The following NELL2 variants were observed in gnomAD, a reference collection of about 807,000 sequenced individuals.
The protein encoded by NELL2 is neural EGFL like 2.
Under a neutral mutation model 109.6 loss-of-function variants are expected in NELL2, and 41 were observed. The observed-to-expected ratio is 0.37, with a 90% confidence interval of 0.29 to 0.49. The LOEUF (loss-of-function observed/expected upper bound fraction) is 0.49, where lower values mean the gene tolerates loss of function less well. Ranked by LOEUF, NELL2 falls within the 20% of genes least tolerant of loss-of-function variation. NELL2 has a pLI of 0.98. For missense variants in NELL2, 900 were observed against 1,008.3 expected (o/e 0.89, Z 1.45); for synonymous variants, 355 against 344.7 (o/e 1.03, Z -0.33).
At chr12:44,849,659 T>A (rs1449356460) in intron 2 of NELL2, among the ~76,000 whole-genome samples, 1 of 152,150 alleles carries the variant, frequency 6.6e-6, no homozygotes, top group African/African-American at 2.4e-5. Context: ...CCAAAAGGAA[T>A]AAAAGTAAAT....
chr12:44,825,571 T>C (rs1273275363), intron 2 of NELL2, among the ~76,000 whole-genome samples: 1 of 150,510 alleles, frequency 6.6e-6, no homozygotes, highest in Non-Finnish European at 1.5e-5. Context: ...AATTTTTGTA[T>C]TTTTAGTAGA....
chr12:44,634,294 G>A (rs1418287406), intron 13 of NELL2, among the ~76,000 whole-genome samples: 1 of 152,014 alleles, frequency 6.6e-6, no homozygotes, highest in Non-Finnish European at 1.5e-5. Context: ...TCTACATTAG[G>A]TATTTCTGCT....
At chr12:44,894,465 T>C (rs550062183) in intron 1 of NELL2, among the ~76,000 whole-genome samples, 5 of 152,370 alleles carry the variant, frequency 3.3e-5, no homozygotes, top group African/African-American at 1.2e-4. Context: ...TCAAACTCCA[T>C]CTTTAATCTT....
chr12:44,772,412 G>C (rs1941586454), intron 9 of NELL2, among the ~76,000 whole-genome samples: 1 of 152,086 alleles, frequency 6.6e-6, no homozygotes, highest in African/African-American at 2.4e-5. Context: ...TTTATTTTAA[G>C]TGTTATTTGT....
intron 2 of NELL2, 27 bp downstream of exon 2, chr12:44,875,198 A>C: frequency 6.3e-7 from 1 of 1,599,526 alleles, no homozygotes; most frequent in Non-Finnish European, 8.5e-7. Flanking sequence ...CTGAAATCAC[A>C]GTGGGGATGC....
At chr12:44,694,616 T>A (rs1412411859) in intron 12 of NELL2, among the ~76,000 whole-genome samples, 2 of 151,164 alleles carry the variant, frequency 1.3e-5, no homozygotes, top group East Asian at 1.9e-4. Context: ...TTTTTTTTTT[T>A]ATTTAAGAAA....
chr12:44,613,049 C>CAT (rs146877346), intron 13 of NELL2, among the ~76,000 whole-genome samples: 18 of 151,730 alleles, frequency 1.2e-4, no homozygotes, highest in South Asian at 4.2e-4. Context: ...CATGCCTTTA[C>CAT]ATATATATAT....
intron 2 of NELL2, among the ~76,000 whole-genome samples, chr12:44,839,105 T>C (rs894452003): frequency 9.6e-5 from 13 of 135,030 alleles, no homozygotes; most frequent in African/African-American, 3.7e-4. Flanking sequence ...GAATTTATAT[T>C]ACACCATTCC....
chr12:44,876,106 G>T lies in NELL2; in HGVS notation c.-237C>A. The T allele has an allele frequency of 7.5e-7, 1 of 1,329,790 alleles. No individual in the cohort carries two copies. The highest frequency in any genetic ancestry group is 2.9e-5 in the East Asian group (1 of 34,826). 82.4% of individuals were successfully genotyped at this position (1,329,790 alleles called of 1,614,324 possible). A position where few individuals can be genotyped will look rare whatever the true frequency, so the allele number is the denominator to read the frequency against. On this transcript the variant is annotated 5_prime_UTR_variant, in exon 1 of 20. Transcript: ENST00000429094. ...TCATTCCCACACGCAGGGCCGAGGC[G>T]GCAGCGCGGCCCGGAGGGGGCCCGG...
At chr12:44,770,164 C>G (rs1003010493) in intron 9 of NELL2, among the ~76,000 whole-genome samples, 1 of 152,112 alleles carries the variant, frequency 6.6e-6, no homozygotes, top group African/African-American at 2.4e-5. Flanking sequence ...TGAGGTCCTA[C>G]GTAGCTTTAA....
chr12:44,678,936 T>G (rs1948407097), intron 12 of NELL2, among the ~76,000 whole-genome samples: 2 of 151,720 alleles, frequency 1.3e-5, no homozygotes, highest in African/African-American at 4.8e-5. Flanking sequence ...TGAGAAAAAA[T>G]CATTACATTA....
chr12:44,747,861 T>C (rs1423892144), intron 9 of NELL2, among the ~76,000 whole-genome samples: 2 of 152,238 alleles, frequency 1.3e-5, no homozygotes, highest in Middle Eastern at 3.4e-3. Context: ...TAGACTTTCC[T>C]TTGGTATAGC....
chr12:44,857,494 A>G (rs1242896155), intron 2 of NELL2, among the ~76,000 whole-genome samples: 4 of 152,190 alleles, frequency 2.6e-5, no homozygotes, highest in African/African-American at 9.7e-5. Flanking sequence ...CTGAAACACT[A>G]TTCAAGGTTC....
intron 13 of NELL2, among the ~76,000 whole-genome samples, chr12:44,662,848 C>T (rs1234099156): frequency 2.0e-5 from 3 of 152,010 alleles, no homozygotes; most frequent in Admixed American, 2.0e-4. Flanking sequence ...GGCTCATTAA[C>T]AGGAAAGAAG....
chr12:44,908,602 G>A (rs1413327066), intron 1 of NELL2, among the ~76,000 whole-genome samples: 1 of 151,782 alleles, frequency 6.6e-6, no homozygotes, highest in Non-Finnish European at 1.5e-5. Context: ...TCACCCACAT[G>A]GACATTAAAA....
intron 1 of NELL2, among the ~76,000 whole-genome samples, chr12:44,903,286 A>G (rs1296724359): frequency 6.6e-6 from 1 of 152,246 alleles, no homozygotes; most frequent in Non-Finnish European, 1.5e-5. Flanking sequence ...ACATATTTTT[A>G]AAAGCTCATC....
chr12:44,604,283 G>C (rs1281604492), intron 15 of NELL2, among the ~76,000 whole-genome samples: 1 of 152,046 alleles, frequency 6.6e-6, no homozygotes, highest in Non-Finnish European at 1.5e-5. Context: ...GTGAGAGAAA[G>C]GGGAAGGAAG....
At chr12:44,792,971 C>A (rs2136634858) in intron 3 of NELL2, among the ~76,000 whole-genome samples, 1 of 152,146 alleles carries the variant, frequency 6.6e-6, no homozygotes, top group South Asian at 2.1e-4. Flanking sequence ...GATAAAATTC[C>A]AATTATTCAT....
At chr12:44,559,519 G>T (rs1365807332) in intron 15 of NELL2, among the ~76,000 whole-genome samples, 2 of 151,976 alleles carry the variant, frequency 1.3e-5, no homozygotes, top group Non-Finnish European at 2.9e-5. Context: ...AAACATCAGG[G>T]GTTGCAATCC....
Sources: allele counts gnomAD v4.1 joint callset (sites outside exome capture counted in the v4.1 genomes callset), GRCh38; gene constraint gnomAD v4.1.1; transcripts MANE v1.5; gene names NCBI Gene and HGNC (gene_info 2026-07-23, HGNC 2026-07-21).